Variants in CA12 observed in about 807,000 individuals in gnomAD.
The protein encoded by CA12 is carbonate dehydratase XII.
A neutral mutation model predicts 46.8 loss-of-function variants in CA12; 36 were observed. The ratio of observed to expected loss-of-function variants is 0.77; its 90% CI spans 0.59 to 1.02. The LOEUF is 1.02. Among genes scored for constraint, CA12 ranks in the 50% least tolerant of loss-of-function variants. CA12 has a pLI of 0.00. For missense variants in CA12, 436 were observed against 451.4 expected (o/e 0.97, Z 0.31); for synonymous variants, 202 against 187.0 (o/e 1.08, Z -0.65).
Position 63,326,121 on chromosome 15 carries a change from G to T in CA12, c.*164C>A. 1.5e-6 allele frequency: 1 copy of T among 666,418 alleles called. No individual in the cohort carries two copies. The allele number at this position is 666,418 out of a possible 1,614,324, so 41.3% of individuals were successfully genotyped here. ...GATCGGATGGCTCTGGGGTGGCCAT[G>T]GTCCCAAGGCAAGGAGGCACCCAGC... is the stretch of plus-strand genomic sequence containing the variant. On this transcript the variant is annotated 3_prime_UTR_variant, in exon 11 of 11. Coordinates refer to ENST00000178638, the MANE Select transcript of CA12 (RefSeq NM_001218.5).
chr15:63,381,810 C>T lies in CA12; in HGVS notation c.-90G>A. On this transcript the variant is annotated 5_prime_UTR_variant, in exon 1 of 11. Coordinates refer to ENST00000178638, the MANE Select transcript of CA12 (RefSeq NM_001218.5). Reference sequence around the variant, plus strand: ...CAGCTGCACACCGGGACCGCGTGCGCGCAGCCTGGGTGCCGTGGCGAGTAC... The same window carrying T: ...CAGCTGCACACCGGGACCGCGTGCGTGCAGCCTGGGTGCCGTGGCGAGTAC... The T allele has an allele frequency of 1.2e-6, 1 of 864,848 alleles. No individual in the cohort carries two copies. Among genetic ancestry groups the T allele is most frequent in the South Asian group, 2.3e-5 (1 of 43,168 alleles). The allele number at this position is 864,848 out of a possible 1,614,324, so 53.6% of individuals were successfully genotyped here.
Position 63,338,913 on chromosome 15 carries a change from T to C in CA12, c.780A>G (p.Thr260=). The C allele has an allele frequency of 1.9e-6, 3 of 1,614,132 alleles. No homozygotes were observed. The South Asian group carries it at 3.3e-5, about 18-fold the overall frequency. ...CTCTGGGGGAAGGGTCGTCCATGTGTGTGCAGTACAGGGCTGTCTCCAAAG... is the reference window on the plus strand; with the variant it reads ...CTCTGGGGGAAGGGTCGTCCATGTGCGTGCAGTACAGGGCTGTCTCCAAAG... ...LLALETALYC[T]HMDDPSPREM... The change falls in exon 8 of 11, where the codon ACA becomes ACG. Residue 260 remains threonine, a synonymous_variant. Coordinates refer to ENST00000178638, the MANE Select transcript of CA12 (RefSeq NM_001218.5).
chr15:63,340,220 T>C lies in CA12; in HGVS notation c.747+68A>G, dbSNP rs1487769662. 3.9e-6 allele frequency: 6 copies of C among 1,541,088 alleles called. No individual in the cohort carries two copies. The East Asian group carries it at 1.3e-4, about 35-fold the overall frequency. ...TAAATGAGGAAATCAAGTCATTGAT[T>C]GTGATATGGAGGATGATGGGGACTG... is the stretch of plus-strand genomic sequence containing the variant. On this transcript the variant is annotated intron_variant, in intron 7 of 10. Transcript: ENST00000178638. This position sits in a 1 kb window ranked among gnomAD's most constrained non-coding sequence, Gnocchi z 4.4.
chr15:63,380,600 C>T (rs555714127), intron 1 of CA12, among the ~76,000 whole-genome samples: 1 of 152,298 alleles, frequency 6.6e-6, no homozygotes, highest in South Asian at 2.1e-4. Flanking sequence ...TTCTCCCTGA[C>T]CAGATGAGGG....
intron 2 of CA12, among the ~76,000 whole-genome samples, chr15:63,362,672 T>A (rs1027012796): frequency 6.6e-6 from 1 of 152,216 alleles, no homozygotes; most frequent in Non-Finnish European, 1.5e-5. Context: ...CCGCTGGACG[T>A]TGACCTGATG....
chr15:63,335,972 T>G (rs2038998457), intron 8 of CA12, among the ~76,000 whole-genome samples: 1 of 151,916 alleles, frequency 6.6e-6, no homozygotes, highest in East Asian at 1.9e-4. Context: ...GCCTGTGTCT[T>G]TGGGAAGTGA....
chr15:63,373,115 AAC>A lies in CA12; in HGVS notation c.106+2541_106+2542del, dbSNP rs1280521077. Reference sequence around the variant, plus strand: ...CATGGTGGCTCACACCTGTAATCCCAACACTTTGAGAGGCCGAGGTGGGCAGA... The same window carrying A: ...CATGGTGGCTCACACCTGTAATCCCAACTTTGAGAGGCCGAGGTGGGCAGA... On this transcript the variant is annotated intron_variant, in intron 2 of 10. Transcript: ENST00000178638. The surrounding 1 kb of genome is among the most constrained non-coding windows in gnomAD (Gnocchi z 4.9). Among the ~76,000 whole-genome samples, 1 of 152,188 alleles carries A rather than the reference AAC, an allele frequency of 6.6e-6. No homozygotes were observed. Among genetic ancestry groups the A allele is most frequent in the African/African-American group, 2.4e-5 (1 of 41,444 alleles).
chr15:63,346,416 C>A, intron 3 of CA12, 114 bp downstream of exon 3: 1 of 746,844 alleles, frequency 1.3e-6, no homozygotes. Context: ...CCCCGCCCCA[C>A]CCCTCCTCCT....
chr15:63,356,427 C>T (rs940623366), intron 2 of CA12, among the ~76,000 whole-genome samples: 3 of 152,044 alleles, frequency 2.0e-5, no homozygotes, highest in African/African-American at 7.2e-5. Context: ...CATAACAGAG[C>T]TTTTTCATTA....
intron 4 of CA12, among the ~76,000 whole-genome samples, chr15:63,343,837 A>C (rs1324700759): frequency 6.6e-6 from 1 of 152,180 alleles, no homozygotes; most frequent in African/African-American, 2.4e-5. Context: ...CGAGACCCCC[A>C]AATCACTAAG....
chr15:63,326,500 G>C, intron 10 of CA12, 143 bp from the exon 11 acceptor site: 1 of 710,002 alleles, frequency 1.4e-6, no homozygotes, highest in Non-Finnish European at 2.6e-6. Context: ...TTGGTCTTGG[G>C]AGGGAGTGTC....
rs750486131 is a variant in CA12, at chr15:63,342,149, T to C, written c.430-52A>G. On this transcript the variant is annotated intron_variant, in intron 4 of 10. Coordinates refer to ENST00000178638, the MANE Select transcript of CA12 (RefSeq NM_001218.5). Reference sequence around the variant, plus strand: ...AGGAGATAAGCGACTCATGGGAGCCTGTCGCTTCTGCAGAAGACTTGACTC... The same window carrying C: ...AGGAGATAAGCGACTCATGGGAGCCCGTCGCTTCTGCAGAAGACTTGACTC... 5 of 1,195,616 alleles carry C rather than the reference T, an allele frequency of 4.2e-6. No individual in the cohort carries two copies. The South Asian group carries it at 6.2e-5, about 15-fold the overall frequency. 74.1% of individuals were successfully genotyped at this position (1,195,616 alleles called of 1,614,324 possible).
chr15:63,326,153 TC>T lies in CA12; in HGVS notation c.*131del. Reference sequence around the variant, plus strand: ...AGGCAAGGAGGCACCCAGCAGAGGATCCCTGAGGCCTGGCATGTTTGCAGAT... The same window carrying T: ...AGGCAAGGAGGCACCCAGCAGAGGATCCTGAGGCCTGGCATGTTTGCAGAT... On this transcript the variant is annotated 3_prime_UTR_variant, in exon 11 of 11. Coordinates refer to ENST00000178638, the MANE Select transcript of CA12 (RefSeq NM_001218.5). 1.3e-6 allele frequency: 1 copy of T among 750,046 alleles called. No individual in the cohort carries two copies. The highest frequency in any genetic ancestry group is 2.4e-6 in the Non-Finnish European group (1 of 422,112). The allele number at this position is 750,046 out of a possible 1,614,324, so 46.5% of individuals were successfully genotyped here. A position where few individuals can be genotyped will look rare whatever the true frequency, so the allele number is the denominator to read the frequency against.
chr15:63,381,564 A>G, intron 1 of CA12, 72 bp downstream of exon 1: 2 of 1,240,526 alleles, frequency 1.6e-6, no homozygotes, highest in Non-Finnish European at 2.3e-6. Flanking sequence ...TTACTTTATC[A>G]TTGAAGAGCC....
rs1007560223 is a variant in CA12, at chr15:63,331,022, G to C, written c.875-2892C>G. Among the ~76,000 whole-genome samples the C allele has an allele frequency of 4.6e-5, 7 of 152,322 alleles. No individual in the cohort carries two copies. The highest frequency in any genetic ancestry group is 1.7e-4 in the African/African-American group (7 of 41,574). Reference sequence around the variant, plus strand: ...TAAGCTGTTAAGGAAGAGGAATGCCGGCGAGGGTGTCACCCGATAGTTCCA... The same window carrying C: ...TAAGCTGTTAAGGAAGAGGAATGCCCGCGAGGGTGTCACCCGATAGTTCCA... On this transcript the variant is annotated intron_variant, in intron 8 of 10. Transcript: ENST00000178638. This position sits in a 1 kb window ranked among gnomAD's most constrained non-coding sequence, Gnocchi z 5.3.
Position 63,328,439 on chromosome 15 carries a change from CA to C in CA12, c.875-310del, listed in dbSNP as rs2038896571. 6.6e-6 allele frequency among the ~76,000 whole-genome samples: 1 copy of C among 151,254 alleles called. No individual in the cohort carries two copies. The highest frequency in any genetic ancestry group is 1.5e-5 in the Non-Finnish European group (1 of 67,912). On this transcript the variant is annotated intron_variant, in intron 8 of 10. Transcript: ENST00000178638. This position sits in a 1 kb window ranked among gnomAD's most constrained non-coding sequence, Gnocchi z 5.9. The stretch of plus-strand genomic sequence containing the variant: ...TCAACCTCCGCCTCCTGGGTTCAAG[CA>C]ATTCTCTGCCTCAGTCTCCCAAGTA...
chr15:63,375,611 A>G (rs1195008287), intron 2 of CA12, 47 bp downstream of exon 2: 1 of 1,252,314 alleles, frequency 8.0e-7, no homozygotes, highest in Non-Finnish European at 1.2e-6. Context: ...AAATACAACC[A>G]TTTCTATTTT....
rs557110589 is a variant in CA12 at position 63,359,569 on chromosome 15, G to A, written c.107-12860C>T. ...TATATACACATGCAACCTCACTCCC[G>A]TCATGAGAAACCCTCAGACAAATAA... On this transcript the variant is annotated intron_variant, in intron 2 of 10. Transcript: ENST00000178638. Among the ~76,000 whole-genome samples, 54 of 151,906 alleles carry A rather than the reference G, an allele frequency of 3.6e-4. No homozygotes were observed. The South Asian group carries it at 8.9e-3, about 25-fold the overall frequency.
Position 63,326,376 on chromosome 15 carries a change from A to G in CA12, c.993-19T>C, listed in dbSNP as rs377710192. On this transcript the variant is annotated intron_variant, in intron 10 of 10. Coordinates refer to ENST00000178638, the MANE Select transcript of CA12 (RefSeq NM_001218.5). ...TTTGATACTAGAACAGAAAGAACAC[A>G]TAACTCTTGTTAGAGAGGAGAGCGA... 1.8e-4 allele frequency: 287 copies of G among 1,601,416 alleles called. No homozygotes were observed. Among genetic ancestry groups the G allele is most frequent in the Non-Finnish European group, 2.4e-4 (283 of 1,168,696 alleles).
Sources: gnomAD v4.1 joint callset for allele counts (sites outside exome capture counted in the v4.1 genomes callset) on GRCh38, gnomAD v4.1.1 for gene constraint, Gnocchi (gnomAD v3.1) non-coding constraint, MANE v1.5 for transcripts, NCBI Gene and HGNC (gene_info 2026-07-23, HGNC 2026-07-21) for gene names.